Variants in FILIP1L observed in about 807,000 individuals in gnomAD.
FILIP1L encodes the protein filamin A interacting protein 1 like.
In FILIP1L, 55 loss-of-function variants were observed where a neutral mutation model predicts 96.6. That is an observed-to-expected ratio of 0.57 (90% CI 0.46 to 0.71). FILIP1L has a LOEUF of 0.71. Ranked by LOEUF, FILIP1L falls within the 30% of genes least tolerant of loss-of-function variation. FILIP1L has a pLI of 0.00. For synonymous variants in FILIP1L, 467 were observed against 473.9 expected, an observed-to-expected ratio of 0.99 and a Z score of 0.19; for missense variants, 1,304 against 1,321.2, an observed-to-expected ratio of 0.99 and a Z score of 0.20.
chr3:100,103,628 G>A (rs1304461194), intron 1 of FILIP1L, among the ~76,000 whole-genome samples: 2 of 152,174 alleles, frequency 1.3e-5, no homozygotes, highest in African/African-American at 4.8e-5. Flanking sequence ...CCAAAGTTGA[G>A]ATGGAGGAGA....
chr3:100,055,017 C>T (rs952942243), intron 1 of FILIP1L, among the ~76,000 whole-genome samples: 4 of 152,048 alleles, frequency 2.6e-5, no homozygotes, highest in African/African-American at 4.8e-5. Flanking sequence ...TCTCTGCTTC[C>T]GTGCTTTACC....
At chr3:99,854,861 A>G (rs1235230380) in intron 4 of FILIP1L, among the ~76,000 whole-genome samples, 2 of 152,284 alleles carry the variant, frequency 1.3e-5, no homozygotes, top group African/African-American at 4.8e-5. Flanking sequence ...TGGTGATTTT[A>G]TCTTCCCTGC....
At chr3:99,840,676 A>G (rs1234719347) in intron 5 of FILIP1L, among the ~76,000 whole-genome samples, 1 of 152,190 alleles carries the variant, frequency 6.6e-6, no homozygotes, top group Non-Finnish European at 1.5e-5. Context: ...ATTTTAAATG[A>G]TTTAAGGAGG....
intron 1 of FILIP1L, among the ~76,000 whole-genome samples, chr3:99,983,795 GA>G (rs1709245822): frequency 6.6e-6 from 1 of 151,556 alleles, no homozygotes; most frequent in Non-Finnish European, 1.5e-5. Flanking sequence ...TAGCTAGCAA[GA>G]AAAGTAAAAT....
At chr3:99,875,987 G>A (rs1576540164) in intron 4 of FILIP1L, 1 of 898,098 alleles carries the variant, frequency 1.1e-6, no homozygotes, top group Non-Finnish European at 1.3e-6. Flanking sequence ...TGCTGAGACA[G>A]CTTTAACAGC....
intron 3 of FILIP1L, among the ~76,000 whole-genome samples, chr3:99,928,552 G>T (rs143734042): frequency 2.0e-3 from 301 of 152,314 alleles, no homozygotes; most frequent in African/African-American, 6.8e-3. Flanking sequence ...TTTGTAGAAG[G>T]GGGGTATTTC....
At chr3:99,983,806 T>C (rs1709246022) in intron 1 of FILIP1L, among the ~76,000 whole-genome samples, 1 of 151,254 alleles carries the variant, frequency 6.6e-6, no homozygotes, top group Non-Finnish European at 1.5e-5. Flanking sequence ...AAAAGTAAAA[T>C]CAGAGGATGA....
At chr3:100,011,811 T>C (rs1356186960) in intron 1 of FILIP1L, 1 of 152,212 alleles carries the variant, frequency 6.6e-6, no homozygotes, top group African/African-American at 2.4e-5. Flanking sequence ...AATGAATGAA[T>C]AGAAGGATGA....
At chr3:99,935,973 T>C (rs76468167) in intron 1 of FILIP1L, among the ~76,000 whole-genome samples, 1,756 of 152,318 alleles carry the variant, frequency 0.012, 18 homozygotes, top group African/African-American at 0.026. Flanking sequence ...CAGCAGCCCC[T>C]CAGCCAATTA....
At chr3:99,899,946 T>C (rs1296403612) in intron 4 of FILIP1L, among the ~76,000 whole-genome samples, 3 of 152,208 alleles carry the variant, frequency 2.0e-5, no homozygotes, top group African/African-American at 7.2e-5. Flanking sequence ...ATTCCTAAGG[T>C]GCTAAATACG....
chr3:100,072,787 G>T (rs2065784570), intron 1 of FILIP1L, among the ~76,000 whole-genome samples: 1 of 152,158 alleles, frequency 6.6e-6, no homozygotes, highest in Admixed American at 6.5e-5. Flanking sequence ...GCTTGCTAAA[G>T]AACAGAGGTT....
intron 4 of FILIP1L, among the ~76,000 whole-genome samples, chr3:99,855,627 A>T (rs1023834015): frequency 1.3e-5 from 2 of 152,214 alleles, no homozygotes; most frequent in Non-Finnish European, 2.9e-5. Context: ...ACACACAAGG[A>T]TTTTTATCAA....
chr3:100,011,441 G>A (rs559489517), intron 1 of FILIP1L, among the ~76,000 whole-genome samples: 1 of 152,234 alleles, frequency 6.6e-6, no homozygotes, highest in Admixed American at 6.5e-5. Context: ...AAAACACCCA[G>A]AGGACTAGTT....
chr3:99,960,882 A>G (rs1392013013), intron 1 of FILIP1L, among the ~76,000 whole-genome samples: 3 of 152,216 alleles, frequency 2.0e-5, no homozygotes, highest in Non-Finnish European at 4.4e-5. Context: ...TCTAAAGTAA[A>G]TGTACTCTGT....
chr3:99,832,935 T>G (rs1255201954), intron 5 of FILIP1L, among the ~76,000 whole-genome samples: 1 of 151,252 alleles, frequency 6.6e-6, no homozygotes, highest in East Asian at 1.9e-4. Flanking sequence ...TTAAAATGTG[T>G]CATCTCTTGG....
rs748606097 is a variant in FILIP1L, at chr3:99,850,174, A to G, written c.1502T>C (p.Val501Ala). ...TTCACTCATTGTTTTCCGTTCATCT[A>G]CAAACATCACAGTTAATGTTTTCAG... ...TKLKTLTVMF[V>A]DERKTMSEKL... Residue 501 changes from valine (V) to alanine (A), a missense_variant, in exon 5 of 6, where the codon GTA becomes GCA. Coordinates refer to ENST00000477258, the MANE Select transcript of FILIP1L (RefSeq NM_001387850.1). 4 of 1,610,822 alleles carry G rather than the reference A, an allele frequency of 2.5e-6. No individual in the cohort carries two copies. The highest frequency in any genetic ancestry group is 4.5e-5 in the East Asian group (2 of 44,868).
At chr3:99,987,787 A>G (rs1709389252) in intron 1 of FILIP1L, among the ~76,000 whole-genome samples, 1 of 152,206 alleles carries the variant, frequency 6.6e-6, no homozygotes, top group Non-Finnish European at 1.5e-5. Context: ...CATATGTCCA[A>G]TGAGCAAGTC....
At chr3:100,111,800 A>G (rs996790307) in intron 1 of FILIP1L, among the ~76,000 whole-genome samples, 1 of 152,224 alleles carries the variant, frequency 6.6e-6, no homozygotes, top group African/African-American at 2.4e-5. Context: ...CAAAATGTCA[A>G]CATCCCTCAA....
At chr3:100,056,667 A>C (rs2065468443) in intron 1 of FILIP1L, among the ~76,000 whole-genome samples, 1 of 151,732 alleles carries the variant, frequency 6.6e-6, no homozygotes, top group Non-Finnish European at 1.5e-5. Context: ...ATTGCTTTGG[A>C]CTGCCACACA....
Sources: gnomAD v4.1 joint callset for allele counts (sites outside exome capture counted in the v4.1 genomes callset) on GRCh38, gnomAD v4.1.1 for gene constraint, MANE v1.5 for transcripts, NCBI Gene and HGNC (gene_info 2026-07-23, HGNC 2026-07-21) for gene names.